ROR2: variants seen among roughly 807,000 people sequenced by gnomAD.
ROR2 encodes tyrosine-protein kinase transmembrane receptor ROR2.
ROR2 carries 33 observed loss-of-function variants against 74.9 expected under a neutral mutation model. That is an observed-to-expected ratio of 0.44 (90% confidence interval 0.33 to 0.59). The LOEUF (loss-of-function observed/expected upper bound fraction) is 0.59, where lower values mean the gene tolerates loss of function less well. ROR2 is among the 20% of genes least tolerant of loss of function. ROR2 has a pLI of 0.02. For missense variants in ROR2, 1,216 were observed against 1,313.8 expected (o/e 0.93, Z 1.15); for synonymous variants, 586 against 558.7 (o/e 1.05, Z -0.69).
rs1489339959 is a variant in ROR2 at position 91,909,205 on chromosome 9, T to TA, written c.97+40661dup. ...CATGGGTGCATTTCCTCACCCAGGG[T>TA]AACAAGAGTCAAATGTGTGCATCTC... On this transcript the variant is annotated intron_variant, in intron 1 of 8. Transcript: ENST00000375708. 3.3e-5 allele frequency among the ~76,000 whole-genome samples: 5 copies of TA among 152,206 alleles called. No individual in the cohort carries two copies. The East Asian group carries it at 7.7e-4, about 23-fold the overall frequency.
rs577688907 is a variant in ROR2, at chr9:91,790,765, G to C, written c.98-14947C>G. 3.3e-5 allele frequency among the ~76,000 whole-genome samples: 5 copies of C among 152,308 alleles called. 1 individual carries two copies. In the South Asian group the frequency reaches 1.0e-3, roughly 32 times the overall value. ...TACTGTCCTTGAGACCCTGCAGTGGGACAAGATGTGGAGGTGGACGACAGT... is the reference window on the plus strand; with the variant it reads ...TACTGTCCTTGAGACCCTGCAGTGGCACAAGATGTGGAGGTGGACGACAGT... On this transcript the variant is annotated intron_variant, in intron 1 of 8. Coordinates refer to ENST00000375708, the MANE Select transcript of ROR2 (RefSeq NM_004560.4).
chr9:91,762,449 GT>G (rs1554756877), intron 2 of ROR2, among the ~76,000 whole-genome samples: 1 of 151,936 alleles, frequency 6.6e-6, no homozygotes, highest in East Asian at 1.9e-4. Flanking sequence ...TTGCCTAATT[GT>G]TTTTTCAACA....
At chr9:91,897,391 T>C (rs1830561849) in intron 1 of ROR2, among the ~76,000 whole-genome samples, 1 of 152,250 alleles carries the variant, frequency 6.6e-6, no homozygotes, top group South Asian at 2.1e-4. Context: ...TGGCATGTTC[T>C]CCTCTAAGGC....
chr9:91,723,671 C>T lies in ROR2; in HGVS notation c.2823G>A (p.Leu941=), dbSNP rs1294488790. 27 of 1,613,816 alleles carry T rather than the reference C, an allele frequency of 1.7e-5. No individual in the cohort carries two copies. The highest frequency in any genetic ancestry group is 2.2e-5 in the Non-Finnish European group (26 of 1,179,960). ...TLQVDEAQVQ[L]EA ...CGGGCCCTGGTGCCACTCAAGCTTC[C>T]AGCTGGACTTGGGCCTCGTCCACCT... The change falls in exon 9 of 9, where the codon CTG becomes CTA. Residue 941 remains leucine, a synonymous_variant. Coordinates refer to ENST00000375708, the MANE Select transcript of ROR2 (RefSeq NM_004560.4).
intron 1 of ROR2, among the ~76,000 whole-genome samples, chr9:91,843,277 A>C (rs1828837295): frequency 6.6e-6 from 1 of 152,222 alleles, no homozygotes; most frequent in South Asian, 2.1e-4. Flanking sequence ...TCAGAACACA[A>C]GCAGGTGCTG....
intron 1 of ROR2, among the ~76,000 whole-genome samples, chr9:91,927,053 G>GT (rs1243143501): frequency 6.9e-6 from 1 of 145,942 alleles, no homozygotes; most frequent in Non-Finnish European, 1.5e-5. Context: ...AAAATAACAC[G>GT]TTTTTTATAA....
intron 1 of ROR2, among the ~76,000 whole-genome samples, chr9:91,832,765 G>A (rs888068382): frequency 2.6e-5 from 4 of 152,148 alleles, no homozygotes; most frequent in African/African-American, 7.2e-5. Flanking sequence ...TATCTCCTAC[G>A]AGTTTTGTTT....
At chr9:91,841,517 A>T (rs766959062) in intron 1 of ROR2, among the ~76,000 whole-genome samples, 8 of 152,208 alleles carry the variant, frequency 5.3e-5, no homozygotes, top group Non-Finnish European at 1.2e-4. Flanking sequence ...TTAAAAGATT[A>T]TTTTTATTGG....
intron 2 of ROR2, among the ~76,000 whole-genome samples, chr9:91,765,165 A>T (rs1587697888): frequency 6.6e-6 from 1 of 152,172 alleles, no homozygotes; most frequent in Admixed American, 6.5e-5. Context: ...CTCATATGAT[A>T]ATTCCACTGT....
At chr9:91,757,659 G>T in intron 2 of ROR2, 100 bp from the exon 3 acceptor site, 1 of 1,347,484 alleles carries the variant, frequency 7.4e-7, no homozygotes, top group Non-Finnish European at 1.0e-6. Flanking sequence ...GGAAGGTTTC[G>T]ATTTTTGTCA....
intron 4 of ROR2, among the ~76,000 whole-genome samples, chr9:91,740,707 C>T (rs187642652): frequency 9.9e-5 from 15 of 151,940 alleles, no homozygotes; most frequent in African/African-American, 3.6e-4. Flanking sequence ...TATATTTTAT[C>T]TTTATCTGGC....
chr9:91,768,984 A>C (rs1246877227), intron 2 of ROR2, among the ~76,000 whole-genome samples: 3 of 152,156 alleles, frequency 2.0e-5, no homozygotes, highest in African/African-American at 7.2e-5. Flanking sequence ...CAACCTGGAC[A>C]TCTCATGTTT....
At chr9:91,766,384 T>C (rs780055018) in intron 2 of ROR2, among the ~76,000 whole-genome samples, 1 of 152,214 alleles carries the variant, frequency 6.6e-6, no homozygotes, top group Non-Finnish European at 1.5e-5. Flanking sequence ...TTCCTTTCCA[T>C]TCCTGGCTCC....
At chr9:91,875,401 A>G (rs1012024049) in intron 1 of ROR2, among the ~76,000 whole-genome samples, 1 of 152,226 alleles carries the variant, frequency 6.6e-6, no homozygotes, top group African/African-American at 2.4e-5. Context: ...CCCTAAAGGA[A>G]CTAATTGTTT....
chr9:91,837,822 T>A (rs1013082083), intron 1 of ROR2, among the ~76,000 whole-genome samples: 6 of 152,230 alleles, frequency 3.9e-5, no homozygotes, highest in South Asian at 2.1e-4. Context: ...GTAGGTTTTT[T>A]AATTTTAAGC....
chr9:91,911,703 A>G (rs10114686), intron 1 of ROR2, among the ~76,000 whole-genome samples: 23,826 of 152,038 alleles, frequency 0.16, 4,326 homozygotes, highest in African/African-American at 0.44. Context: ...GGAGGAGAAC[A>G]TGATGAGAAA....
intron 1 of ROR2, among the ~76,000 whole-genome samples, chr9:91,808,360 C>T (rs1368175643): frequency 6.6e-6 from 1 of 152,210 alleles, no homozygotes; most frequent in Non-Finnish European, 1.5e-5. Flanking sequence ...ATTGGCCAGG[C>T]GAGGTGGCTG....
chr9:91,880,609 G>T (rs1830082143), intron 1 of ROR2, among the ~76,000 whole-genome samples: 1 of 152,214 alleles, frequency 6.6e-6, no homozygotes, highest in Non-Finnish European at 1.5e-5. Flanking sequence ...ACCTCAGCCA[G>T]TCAATCTCAT....
chr9:91,724,929 CG>C lies in ROR2; in HGVS notation c.1564del (p.Arg522GlyfsTer22). On this transcript the variant is annotated frameshift_variant, in exon 9 of 9. Coordinates refer to ENST00000375708, the MANE Select transcript of ROR2 (RefSeq NM_004560.4). LOFTEE classifies it high-confidence loss of function. ...CCGTGCTCGCAGCATAGCCTCATGC[CG>C]GAACTCCTCCCGCAGGGGCCCCTCC... is the stretch of plus-strand genomic sequence containing the variant. Reference protein sequence around the residue: ...KAEGPLREEFRHEAMLRARLQ... With the variant: ...KAEGPLREEFXHEAMLRARLQ... The C allele has an allele frequency of 1.2e-6, 2 of 1,612,620 alleles. No individual in the cohort carries two copies. Among genetic ancestry groups the C allele is most frequent in the Non-Finnish European group, 1.7e-6 (2 of 1,179,100 alleles).
Sources: allele counts gnomAD v4.1 joint callset (sites outside exome capture counted in the v4.1 genomes callset), GRCh38; gene constraint gnomAD v4.1.1; transcripts MANE v1.5; gene names NCBI Gene and HGNC (gene_info 2026-07-23, HGNC 2026-07-21).